EDA: variants seen among roughly 807,000 people sequenced by gnomAD.
The protein encoded by EDA is ectodysplasin A.
EDA carries 2 observed loss-of-function variants against 23.6 expected under a neutral mutation model. The observed-to-expected ratio is 0.08, with a 90% confidence interval of 0.03 to 0.27. EDA has a LOEUF of 0.27. EDA is among the 10% of genes least tolerant of loss of function. The pLI is 1.00. For missense variants in EDA, 229 were observed against 324.2 expected (o/e 0.71, Z 2.26); for synonymous variants, 131 against 132.0 (o/e 0.99, Z 0.05).
At chrX:69,843,120 C>T (rs1267057389) in intron 1 of EDA, among the ~76,000 whole-genome samples, 1 of 112,164 alleles carries the variant, frequency 8.9e-6, no homozygotes, top group Non-Finnish European at 1.9e-5. Context: ...AATGTGCAAA[C>T]GAATATAATT....
chrX:69,888,513 A>T (rs1461714397), intron 1 of EDA, among the ~76,000 whole-genome samples: 3 of 100,105 alleles, frequency 3.0e-5, no homozygotes, highest in Non-Finnish European at 6.2e-5. Context: ...GAATGGATTT[A>T]AAAAAAAAAA....
intron 1 of EDA, among the ~76,000 whole-genome samples, chrX:69,724,384 T>A (rs1234721054): frequency 8.9e-6 from 1 of 111,895 alleles, no homozygotes; most frequent in Non-Finnish European, 1.9e-5. Flanking sequence ...ATTCTATAAC[T>A]TTGCTTTTTC....
chrX:69,782,887 T>G (rs977324053), intron 1 of EDA, among the ~76,000 whole-genome samples: 2 of 111,858 alleles, frequency 1.8e-5, no homozygotes, highest in African/African-American at 6.5e-5. Flanking sequence ...AACTAACATG[T>G]GGTGTTTTCT....
At chrX:69,975,297 A>G (rs1159110587) in intron 2 of EDA, among the ~76,000 whole-genome samples, 2 of 111,706 alleles carry the variant, frequency 1.8e-5, no homozygotes, top group African/African-American at 6.5e-5. Flanking sequence ...AAAAAGAATA[A>G]AAGTATGGCC....
chrX:69,671,513 G>A (rs770125014), intron 1 of EDA, among the ~76,000 whole-genome samples: 1 of 111,710 alleles, frequency 9.0e-6, no homozygotes, highest in African/African-American at 3.3e-5. Context: ...AATGACTGCA[G>A]TTTTCCCACT....
At chrX:69,945,565 T>A (rs1259162319) in intron 1 of EDA, among the ~76,000 whole-genome samples, 10 of 112,383 alleles carry the variant, frequency 8.9e-5, no homozygotes, top group African/African-American at 3.2e-4. Context: ...CATGGAAAGA[T>A]ATCTTTAGTC....
At chrX:69,929,718 G>A (rs966014273) in intron 1 of EDA, among the ~76,000 whole-genome samples, 2 of 103,528 alleles carry the variant, frequency 1.9e-5, no homozygotes, top group African/African-American at 7.0e-5. Flanking sequence ...GTGTGTGTGT[G>A]TGTGTGTGTG....
At chrX:69,757,929 C>T (rs1395889964) in intron 1 of EDA, among the ~76,000 whole-genome samples, 1 of 112,259 alleles carries the variant, frequency 8.9e-6, no homozygotes, top group Non-Finnish European at 1.9e-5. Context: ...CACATGGGCT[C>T]AGTCTCTGTG....
chrX:69,909,158 T>G (rs999518017), intron 1 of EDA, among the ~76,000 whole-genome samples: 1 of 111,644 alleles, frequency 9.0e-6, no homozygotes, highest in African/African-American at 3.3e-5. Flanking sequence ...CATCTTCTCA[T>G]ATCTTCCTTC....
intron 1 of EDA, among the ~76,000 whole-genome samples, chrX:69,802,166 A>C (rs1335779022): frequency 9.0e-6 from 1 of 110,821 alleles, no homozygotes; most frequent in Non-Finnish European, 1.9e-5. Context: ...AGTGAATACT[A>C]TATACTAGAG....
intron 1 of EDA, among the ~76,000 whole-genome samples, chrX:69,839,146 A>T (rs1215017559): frequency 2.7e-5 from 3 of 112,166 alleles, no homozygotes; most frequent in Non-Finnish European, 3.8e-5. Context: ...GTATAGTAAC[A>T]AACAGGAAGA....
intron 1 of EDA, among the ~76,000 whole-genome samples, chrX:69,739,698 T>A (rs1431292662): frequency 9.0e-6 from 1 of 111,282 alleles, no homozygotes; most frequent in Non-Finnish European, 1.9e-5. Flanking sequence ...ATGTCTTAAT[T>A]TATCATGATC....
intron 1 of EDA, among the ~76,000 whole-genome samples, chrX:69,918,752 G>A (rs1194037675): frequency 3.6e-5 from 4 of 111,320 alleles, no homozygotes; most frequent in African/African-American, 1.3e-4. Flanking sequence ...TAAACCTAGG[G>A]TTCTTTTGAA....
At chrX:69,877,056 C>T (rs774133075) in intron 1 of EDA, among the ~76,000 whole-genome samples, 1 of 112,500 alleles carries the variant, frequency 8.9e-6, no homozygotes, top group East Asian at 2.8e-4. Context: ...CAGGGTGGCT[C>T]CTGCCTATAA....
At chrX:69,645,976 C>T (rs1041889334) in intron 1 of EDA, among the ~76,000 whole-genome samples, 9 of 110,911 alleles carry the variant, frequency 8.1e-5, no homozygotes, top group African/African-American at 2.6e-4. Flanking sequence ...GCATATTGTT[C>T]AATTTACACG....
chrX:70,032,722 A>G (rs1029314427), intron 6 of EDA, among the ~76,000 whole-genome samples: 2 of 111,259 alleles, frequency 1.8e-5, no homozygotes, highest in Non-Finnish European at 1.9e-5. Flanking sequence ...AGCTGGCTCT[A>G]TTGCAGCCTG....
chrX:69,639,201 A>C (rs1452566940), intron 1 of EDA, among the ~76,000 whole-genome samples: 1 of 111,471 alleles, frequency 9.0e-6, no homozygotes, highest in Non-Finnish European at 1.9e-5. Flanking sequence ...ACCTTGGGGT[A>C]TTGTGAATAA....
intron 2 of EDA, among the ~76,000 whole-genome samples, chrX:69,961,696 T>A (rs978961642): frequency 8.9e-6 from 1 of 112,593 alleles, no homozygotes; most frequent in Non-Finnish European, 1.9e-5. Context: ...GAAGTGAATT[T>A]CGTTTTCTTT....
intron 1 of EDA, among the ~76,000 whole-genome samples, chrX:69,734,300 T>C (rs772291415): frequency 4.5e-5 from 5 of 111,575 alleles, no homozygotes; most frequent in Non-Finnish European, 9.4e-5. Context: ...CTTCTATTCC[T>C]GGTATAGATA....
Sources: allele counts gnomAD v4.1 joint callset (sites outside exome capture counted in the v4.1 genomes callset), GRCh38; gene constraint gnomAD v4.1.1; transcripts MANE v1.5; gene names NCBI Gene and HGNC (gene_info 2026-07-23, HGNC 2026-07-21).